Variants in IQCM observed in about 807,000 individuals in gnomAD.
IQCM encodes the protein IQ domain-containing protein M.
Under a neutral mutation model 57.6 loss-of-function variants are expected in IQCM, and 45 were observed. The observed-to-expected ratio is 0.78, with a 90% CI of 0.62 to 1.00. The LOEUF (loss-of-function observed/expected upper bound fraction) is 1.00, where lower values mean the gene tolerates loss of function less well. Ranked by LOEUF, IQCM falls within the 50% of genes least tolerant of loss-of-function variation. IQCM has a pLI of 0.00. For missense variants in IQCM, 468 were observed against 511.6 expected (o/e 0.91, Z 0.82); for synonymous variants, 148 against 158.9 (o/e 0.93, Z 0.51).
intron 12 of IQCM, among the ~76,000 whole-genome samples, chr4:149,485,453 AAGC>A (rs1379942273): frequency 1.3e-5 from 2 of 151,558 alleles, no homozygotes; most frequent in Admixed American, 1.3e-4. Flanking sequence ...GTCTGTCTTC[AAGC>A]TCACTAATTC....
At chr4:149,766,003 A>T (rs953808332) in intron 2 of IQCM, among the ~76,000 whole-genome samples, 1 of 152,070 alleles carries the variant, frequency 6.6e-6, no homozygotes, top group African/African-American at 2.4e-5. Flanking sequence ...AATTATCCTT[A>T]AAAATCCTAG....
At chr4:149,362,895 G>A (rs1484899776) in intron 13 of IQCM, among the ~76,000 whole-genome samples, 1 of 152,188 alleles carries the variant, frequency 6.6e-6, no homozygotes, top group Non-Finnish European at 1.5e-5. Context: ...AATGAGCTGA[G>A]TATTTCAGTC....
intron 12 of IQCM, among the ~76,000 whole-genome samples, chr4:149,498,506 G>GA (rs1371753595): frequency 9.2e-5 from 14 of 152,128 alleles, no homozygotes; most frequent in African/African-American, 3.4e-4. Context: ...TTCTGAGCAA[G>GA]GGGATCCCAG....
At chr4:149,386,602 T>C (rs1731445390) in intron 13 of IQCM, among the ~76,000 whole-genome samples, 1 of 152,076 alleles carries the variant, frequency 6.6e-6, no homozygotes, top group Non-Finnish European at 1.5e-5. Flanking sequence ...AAACTGTTCA[T>C]TTGTCCCAAA....
intron 5 of IQCM, among the ~76,000 whole-genome samples, chr4:149,727,313 C>T (rs1434265784): frequency 3.3e-5 from 5 of 152,160 alleles, no homozygotes; most frequent in African/African-American, 1.2e-4. Flanking sequence ...TAAAACGCAT[C>T]TCTCTATTCT....
intron 5 of IQCM, among the ~76,000 whole-genome samples, chr4:149,726,071 AAAAGAAAGAAAGAAAGAAAGAAAGAAAG>A (rs529190046): frequency 7.6e-4 from 72 of 94,790 alleles, no homozygotes; most frequent in Middle Eastern, 5.3e-3. Context: ...TCTTCCCTCT[AAAAGAAAGAAAGAAAGAAAGAAAGAAAG>A]AAAGAAAGAA....
At chr4:149,568,650 G>C (rs1750862269) in intron 9 of IQCM, among the ~76,000 whole-genome samples, 1 of 152,008 alleles carries the variant, frequency 6.6e-6, no homozygotes, top group Non-Finnish European at 1.5e-5. Context: ...AATTAGCCAG[G>C]CATGGTGGCA....
intron 13 of IQCM, among the ~76,000 whole-genome samples, chr4:149,388,638 G>T (rs1389747472): frequency 6.7e-5 from 9 of 135,148 alleles, no homozygotes; most frequent in African/African-American, 1.9e-4. Context: ...CACATATATG[G>T]GCAAAGAATA....
At chr4:149,623,418 G>A (rs184370880) in intron 7 of IQCM, among the ~76,000 whole-genome samples, 74 of 152,220 alleles carry the variant, frequency 4.9e-4, no homozygotes, top group African/African-American at 1.7e-3. Flanking sequence ...CCAGTATATA[G>A]GTATCATACT....
intron 13 of IQCM, among the ~76,000 whole-genome samples, chr4:149,368,373 T>C (rs1300224264): frequency 6.6e-6 from 1 of 152,036 alleles, no homozygotes; most frequent in African/African-American, 2.4e-5. Context: ...TGAAATAGAA[T>C]GTATTTGGCC....
chr4:149,803,894 G>A (rs898765463), intron 2 of IQCM, among the ~76,000 whole-genome samples: 2 of 151,848 alleles, frequency 1.3e-5, no homozygotes, highest in African/African-American at 2.4e-5. Flanking sequence ...AGATGAGAGA[G>A]GAAATGTTCT....
chr4:149,721,872 A>T lies in IQCM; in HGVS notation c.385+11372T>A, dbSNP rs1041812870. ...TAGTTCTTTGAGAAATCACTGTACT[A>T]TTTTCCATAAAGGTTGTACCAGTTG... On this transcript the variant is annotated intron_variant, in intron 5 of 13. Transcript: ENST00000636793. 2.0e-5 allele frequency among the ~76,000 whole-genome samples: 3 copies of T among 151,944 alleles called. No individual in the cohort carries two copies. The South Asian group carries it at 6.2e-4, about 31-fold the overall frequency.
chr4:149,414,751 C>G (rs1167567116), intron 13 of IQCM, among the ~76,000 whole-genome samples: 1 of 151,878 alleles, frequency 6.6e-6, no homozygotes, highest in Non-Finnish European at 1.5e-5. Context: ...ATTTCTCCTT[C>G]TAGCAACAAT....
At chr4:149,594,614 C>T (rs1753576892) in intron 8 of IQCM, among the ~76,000 whole-genome samples, 1 of 152,174 alleles carries the variant, frequency 6.6e-6, no homozygotes, top group South Asian at 2.1e-4. Context: ...TTTCCCTCTA[C>T]AAACTGCTTT....
chr4:149,694,386 G>A (rs1467461391), intron 5 of IQCM, among the ~76,000 whole-genome samples: 1 of 151,270 alleles, frequency 6.6e-6, no homozygotes, highest in Non-Finnish European at 1.5e-5. Flanking sequence ...CACTACGCCC[G>A]GCTAATTTTT....
chr4:149,564,746 C>G (rs1308277943), intron 9 of IQCM, among the ~76,000 whole-genome samples: 1 of 152,108 alleles, frequency 6.6e-6, no homozygotes, highest in Non-Finnish European at 1.5e-5. Flanking sequence ...TCTCCTTGCT[C>G]CTCAGCCTGC....
chr4:149,557,932 C>T (rs2149921465), intron 10 of IQCM, among the ~76,000 whole-genome samples: 1 of 152,262 alleles, frequency 6.6e-6, no homozygotes, highest in Non-Finnish European at 1.5e-5. Context: ...TTCGTAGTGC[C>T]TCAATTTATC....
intron 12 of IQCM, among the ~76,000 whole-genome samples, chr4:149,437,607 G>A (rs1735494659): frequency 6.6e-6 from 1 of 151,966 alleles, no homozygotes; most frequent in Non-Finnish European, 1.5e-5. Context: ...CTGTGTTATT[G>A]AGAGCTTGGT....
At position 149,771,428 on chromosome 4, in the gene IQCM, C is replaced by T. The variant is rs994663129; in HGVS notation, c.-48-28689G>A. On this transcript the variant is annotated intron_variant, in intron 2 of 13. Coordinates refer to ENST00000636793, the MANE Select transcript of IQCM (RefSeq NM_001363507.2). ...ATGTCATATTGTCTCTTAAAAAATC[C>T]TCATATTACAAGTTCATTAATTTAT... Among the ~76,000 whole-genome samples, 5 of 152,014 alleles carry T rather than the reference C, an allele frequency of 3.3e-5. No homozygotes were observed. The East Asian group carries it at 9.6e-4, about 29-fold the overall frequency.
Sources: allele counts gnomAD v4.1 joint callset (sites outside exome capture counted in the v4.1 genomes callset), GRCh38; gene constraint gnomAD v4.1.1; transcripts MANE v1.5; gene names NCBI Gene and HGNC (gene_info 2026-07-23, HGNC 2026-07-21).